The following GALNTL6 variants were observed in gnomAD, a reference collection of about 807,000 sequenced individuals.
GALNTL6 encodes polypeptide N-acetylgalactosaminyltransferase like 6.
Under a neutral mutation model 73.7 loss-of-function variants are expected in GALNTL6, and 46 were observed. The observed-to-expected ratio is 0.62, with a 90% CI of 0.49 to 0.80. GALNTL6 has a LOEUF of 0.80. Among genes scored for constraint, GALNTL6 ranks in the 30% least tolerant of loss-of-function variants. The pLI is 0.00. For missense variants in GALNTL6, 604 were observed against 755.0 expected (o/e 0.80, Z 2.34); for synonymous variants, 259 against 263.7 (o/e 0.98, Z 0.17).
chr4:172,713,382 T>A (rs1356798801), intron 5 of GALNTL6, among the ~76,000 whole-genome samples: 1 of 151,872 alleles, frequency 6.6e-6, no homozygotes, highest in East Asian at 1.9e-4. Context: ...AAAGAGCCGA[T>A]GTTGTGGTTC....
chr4:172,302,202 G>T (rs985961958), intron 3 of GALNTL6, among the ~76,000 whole-genome samples: 1 of 152,150 alleles, frequency 6.6e-6, no homozygotes, highest in Non-Finnish European at 1.5e-5. Context: ...TGTGCTGTTT[G>T]CTAAGACTGT....
chr4:172,033,769 G>T (rs1741841797), intron 2 of GALNTL6, among the ~76,000 whole-genome samples: 1 of 152,142 alleles, frequency 6.6e-6, no homozygotes. Context: ...TGGCAGAGTT[G>T]TGTAGTTGTG....
At chr4:172,452,464 C>A (rs1732249739) in intron 5 of GALNTL6, among the ~76,000 whole-genome samples, 2 of 152,086 alleles carry the variant, frequency 1.3e-5, no homozygotes, top group South Asian at 4.1e-4. Flanking sequence ...GTGCTCTGTA[C>A]TCTAAGATGT....
intron 3 of GALNTL6, among the ~76,000 whole-genome samples, chr4:172,293,857 T>A (rs142012231): frequency 0.012 from 1,840 of 151,392 alleles, 33 homozygotes; most frequent in African/African-American, 0.039. Flanking sequence ...TGAAAATATT[T>A]TTTATTTATT....
At chr4:172,360,012 C>A (rs1742307558) in intron 5 of GALNTL6, among the ~76,000 whole-genome samples, 1 of 152,214 alleles carries the variant, frequency 6.6e-6, no homozygotes, top group Admixed American at 6.5e-5. Context: ...CCTTACACAT[C>A]ATTATAAAAT....
chr4:171,989,217 C>G lies in GALNTL6; in HGVS notation c.138+174499C>G, dbSNP rs183942088. 7.6e-4 allele frequency among the ~76,000 whole-genome samples: 116 copies of G among 152,220 alleles called. 1 individual carries two copies. The East Asian group carries it at 0.018, about 23-fold the overall frequency. ...ATTAAGAAGGGGACGGACTTACTTT[C>G]CACTGTGAGAGTTACTCAAAGCTTG... On this transcript the variant is annotated intron_variant, in intron 2 of 12. Coordinates refer to ENST00000506823, the MANE Select transcript of GALNTL6 (RefSeq NM_001034845.3).
chr4:172,652,199 A>G (rs990936443), intron 5 of GALNTL6, among the ~76,000 whole-genome samples: 4 of 152,208 alleles, frequency 2.6e-5, no homozygotes, highest in African/African-American at 9.7e-5. Flanking sequence ...AGTGACATGC[A>G]TTTTACAACA....
At chr4:172,860,443 G>T (rs1223542291) in intron 7 of GALNTL6, among the ~76,000 whole-genome samples, 1 of 152,058 alleles carries the variant, frequency 6.6e-6, no homozygotes, top group African/African-American at 2.4e-5. Context: ...ACTAAAATTG[G>T]ACCTTATTAA....
At chr4:171,893,316 A>G (rs560406400) in intron 2 of GALNTL6, among the ~76,000 whole-genome samples, 1 of 152,046 alleles carries the variant, frequency 6.6e-6, no homozygotes, top group Non-Finnish European at 1.5e-5. Context: ...TCTCCTTAGA[A>G]CCTCAAAACA....
At chr4:172,259,319 T>C (rs1353261260) in intron 3 of GALNTL6, among the ~76,000 whole-genome samples, 2 of 151,564 alleles carry the variant, frequency 1.3e-5, no homozygotes, top group Admixed American at 6.6e-5. Context: ...TAAAGTGTTA[T>C]GTCATTGTAG....
intron 10 of GALNTL6, among the ~76,000 whole-genome samples, chr4:172,962,509 G>A (rs2610216): frequency 0.43 from 64,955 of 151,906 alleles, 14,094 homozygotes; most frequent in East Asian, 0.48. Flanking sequence ...AGAATGGGCG[G>A]AGTTCCTAAA....
chr4:173,041,286 A>C lies in GALNTL6; in HGVS notation c.*1186A>C, dbSNP rs1319468554. 1 of 151,618 alleles carries C rather than the reference A, an allele frequency of 6.6e-6. No individual in the cohort carries two copies. Among genetic ancestry groups the C allele is most frequent in the Admixed American group, 6.6e-5 (1 of 15,192 alleles). The allele number at this position is 151,618 out of a possible 1,614,324, so 9.4% of individuals were successfully genotyped here. On this transcript the variant is annotated 3_prime_UTR_variant, in exon 13 of 13. Transcript: ENST00000506823. ...AATTACCATTAATAAAGTGTTTCTG[A>C]CACCATTTTCTGTTAATGGGACAAT... is the stretch of plus-strand genomic sequence containing the variant.
chr4:172,034,395 C>CGTGTGTGTGTGTGTGT (rs1180185966), intron 2 of GALNTL6, among the ~76,000 whole-genome samples: 4 of 139,702 alleles, frequency 2.9e-5, no homozygotes, highest in East Asian at 2.2e-4. Context: ...GGGGAGCGTG[C>CGTGTGTGTGTGTGTGT]GTGCGTGTGT....
chr4:171,930,015 G>A (rs1378693325), intron 2 of GALNTL6, among the ~76,000 whole-genome samples: 1 of 152,226 alleles, frequency 6.6e-6, no homozygotes, highest in Non-Finnish European at 1.5e-5. Context: ...TGATTCAGAA[G>A]TGAACTAGCC....
At chr4:171,972,563 A>G (rs1560865767) in intron 2 of GALNTL6, among the ~76,000 whole-genome samples, 1 of 152,142 alleles carries the variant, frequency 6.6e-6, no homozygotes, top group Non-Finnish European at 1.5e-5. Flanking sequence ...TCATATAAAT[A>G]GAAGATTCTA....
intron 2 of GALNTL6, among the ~76,000 whole-genome samples, chr4:172,132,610 A>G (rs1733529260): frequency 6.6e-6 from 1 of 152,100 alleles, no homozygotes. Context: ...ACTTAAATAT[A>G]TGTTATTACT....
chr4:172,948,342 G>A (rs957041507), intron 9 of GALNTL6, among the ~76,000 whole-genome samples: 4 of 152,160 alleles, frequency 2.6e-5, no homozygotes, highest in African/African-American at 7.2e-5. Flanking sequence ...AAAAGGAATC[G>A]ATGATTTCAC....
At chr4:172,470,493 A>G (rs764661442) in intron 5 of GALNTL6, among the ~76,000 whole-genome samples, 29 of 152,178 alleles carry the variant, frequency 1.9e-4, no homozygotes, top group Non-Finnish European at 3.2e-4. Flanking sequence ...CAGAAAACAT[A>G]ATGCTTATAA....
At chr4:172,400,787 G>C (rs543075250) in intron 5 of GALNTL6, among the ~76,000 whole-genome samples, 1 of 152,088 alleles carries the variant, frequency 6.6e-6, no homozygotes, top group East Asian at 1.9e-4. Flanking sequence ...GGATTCTGAC[G>C]AGTTTTATTT....
Sources: allele counts gnomAD v4.1 joint callset (sites outside exome capture counted in the v4.1 genomes callset), GRCh38; gene constraint gnomAD v4.1.1; transcripts MANE v1.5; gene names NCBI Gene and HGNC (gene_info 2026-07-23, HGNC 2026-07-21).